The following TOX4 variants were observed in gnomAD, a reference collection of about 807,000 sequenced individuals.
TOX4 encodes the protein TOX high mobility group box family member 4, also known as epidermal Langerhans cell protein LCP1.
In TOX4, 12 loss-of-function variants were observed where a neutral mutation model predicts 61.0. That is an observed-to-expected ratio of 0.20 (90% CI 0.13 to 0.32). The LOEUF (loss-of-function observed/expected upper bound fraction) is 0.32, where lower values mean the gene tolerates loss of function less well. Among genes scored for constraint, TOX4 ranks in the 10% least tolerant of loss-of-function variants. The pLI is 1.00. For synonymous variants in TOX4, 268 were observed against 274.8 expected (o/e 0.98, Z 0.24); for missense variants, 499 against 753.3 (o/e 0.66, Z 3.95).
At position 21,496,535 on chromosome 14, in the gene TOX4, T is replaced by G; in HGVS notation, c.1806-11T>G. The G allele has an allele frequency of 6.2e-7, 1 of 1,610,796 alleles. No homozygotes were observed. Among genetic ancestry groups the G allele is most frequent in the Non-Finnish European group, 8.5e-7 (1 of 1,177,372 alleles). On this transcript the variant is annotated splice_polypyrimidine_tract_variant and intron_variant, in intron 8 of 8. Transcript: ENST00000448790. ...TATAATTCTGTTTGTGTATGTCTTT[T>G]TCTCTCTTAGGGATGTATTCTTGGC...
chr14:21,496,477 T>A, intron 8 of TOX4, 69 bp from the exon 9 acceptor site: 2 of 1,431,772 alleles, frequency 1.4e-6, no homozygotes, highest in South Asian at 1.2e-5. Flanking sequence ...AAAAAAAAAA[T>A]GTATCTAGGC....
chr14:21,493,785 C>T (rs1036534573), intron 7 of TOX4, among the ~76,000 whole-genome samples: 1 of 151,088 alleles, frequency 6.6e-6, no homozygotes, highest in Non-Finnish European at 1.5e-5. Context: ...GAGTCTCGCT[C>T]TGTTGCCTGG....
chr14:21,488,838 G>A lies in TOX4; in HGVS notation c.567G>A (p.Glu189=), dbSNP rs1222169090. The change falls in exon 4 of 9, where the codon GAG becomes GAA. Residue 189 remains glutamate (E), a synonymous_variant. Transcript: ENST00000448790. ...GTTCACTTCACGAGGATGGTGTTGA[G>A]GATTTCCGGAGGGTGAGGCATTCCC... is the stretch of plus-strand genomic sequence containing the variant. ...PTSSLHEDGV[E]DFRRQLPSQK... The A allele has an allele frequency of 6.2e-7, 1 of 1,613,920 alleles. No individual in the cohort carries two copies. The highest frequency in any genetic ancestry group is 1.6e-4 in the Middle Eastern group (1 of 6,062).
chr14:21,489,434 T>C (rs1891246265), intron 5 of TOX4, 31 bp downstream of exon 5: 2 of 1,576,992 alleles, frequency 1.3e-6, no homozygotes, highest in Non-Finnish European at 1.7e-6. Flanking sequence ...TAGTAGTGAA[T>C]GTTCCAGAAG....
chr14:21,493,529 CCTCCTGGGTTCAAGAGATT>C (rs565859436), intron 7 of TOX4, among the ~76,000 whole-genome samples: 126 of 152,248 alleles, frequency 8.3e-4, no homozygotes, highest in African/African-American at 3.0e-3. Context: ...GCAACCTCTA[CCTCCTGGGTTCAAGAGATT>C]CTCCTGCCTC....
At chr14:21,483,917 C>T (rs538371029) in intron 2 of TOX4, among the ~76,000 whole-genome samples, 17 of 152,144 alleles carry the variant, frequency 1.1e-4, no homozygotes, top group Non-Finnish European at 1.3e-4. Context: ...AAGCGATTCT[C>T]GTGCCTCAGC....
chr14:21,492,262 TTTTG>T (rs764058889), intron 5 of TOX4, 30 bp from the exon 6 acceptor site: 18 of 1,471,676 alleles, frequency 1.2e-5, no homozygotes, highest in Middle Eastern at 3.6e-4. Context: ...GTATGGGGAG[TTTTG>T]TTTTTTTTTT....
At position 21,499,020 on chromosome 14, in the gene TOX4, C is replaced by CT; in HGVS notation, c.*2416dup. On this transcript the variant is annotated 3_prime_UTR_variant, in exon 9 of 9. Coordinates refer to ENST00000448790, the MANE Select transcript of TOX4 (RefSeq NM_014828.4). ...GAGGACTAGCCTGTTCTCTGGTCAC[C>CT]TTACCAGTTGGGTTGCACATTGTGT... The CT allele has an allele frequency of 1.2e-6, 2 of 1,606,640 alleles. No individual in the cohort carries two copies. The highest frequency in any genetic ancestry group is 1.7e-6 in the Non-Finnish European group (2 of 1,173,268).
At chr14:21,480,754 T>C (rs1170776499) in intron 2 of TOX4, among the ~76,000 whole-genome samples, 1 of 152,162 alleles carries the variant, frequency 6.6e-6, no homozygotes, top group Non-Finnish European at 1.5e-5. Flanking sequence ...ATATTCAGAA[T>C]ATATCAAGTA....
intron 2 of TOX4, among the ~76,000 whole-genome samples, chr14:21,478,462 G>A (rs1236898993): frequency 1.3e-5 from 2 of 152,150 alleles, no homozygotes; most frequent in Non-Finnish European, 2.9e-5. Flanking sequence ...AGTTTCTTAT[G>A]CTGTTTTAAA....
intron 1 of TOX4, 55 bp downstream of exon 1, chr14:21,477,339 A>G (rs1891010751): frequency 6.2e-6 from 10 of 1,613,894 alleles, no homozygotes; most frequent in Non-Finnish European, 8.5e-6. Context: ...ACCGGGTTGA[A>G]GCAGGGACGG....
intron 8 of TOX4, chr14:21,496,298 C>T (rs934202904): frequency 1.7e-5 from 5 of 301,262 alleles, no homozygotes; most frequent in East Asian, 7.2e-5. Flanking sequence ...GAGGCCAAAG[C>T]GGGCGATTCA....
In TOX4 at chr14:21,492,551, A is replaced by C. The variant is rs1340545985; in HGVS notation, c.935A>C (p.Gln312Pro). 1.2e-6 allele frequency: 2 copies of C among 1,613,838 alleles called. No homozygotes were observed. The highest frequency in any genetic ancestry group is 3.3e-5 in the Admixed American group (2 of 59,994). ...GAATTGGATCCAGCACCACCATCAC[A>C]AACTCCTTCTCCACCTCCTATGGCT... is the stretch of plus-strand genomic sequence containing the variant. ...TVELDPAPPSQTPSPPPMATV... is the reference protein window; with the variant it reads ...TVELDPAPPSPTPSPPPMATV... Residue 312 changes from glutamine to proline, a missense_variant, in exon 7 of 9, where the codon CAA becomes CCA. Transcript: ENST00000448790.
intron 5 of TOX4, among the ~76,000 whole-genome samples, chr14:21,491,309 G>C (rs1336942394): frequency 6.6e-6 from 1 of 152,142 alleles, no homozygotes; most frequent in Non-Finnish European, 1.5e-5. Flanking sequence ...ATACTGGTTA[G>C]ACACAGTCCC....
At chr14:21,483,418 T>C (rs1203464686) in intron 2 of TOX4, among the ~76,000 whole-genome samples, 1 of 148,474 alleles carries the variant, frequency 6.7e-6, no homozygotes, top group East Asian at 2.0e-4. Flanking sequence ...GAGAATTTGG[T>C]AAAAATCTTT....
chr14:21,481,329 C>T (rs1891104695), intron 2 of TOX4, among the ~76,000 whole-genome samples: 1 of 152,106 alleles, frequency 6.6e-6, no homozygotes, highest in African/African-American at 2.4e-5. Flanking sequence ...CAGGCATGTG[C>T]CACCACACCT....
chr14:21,495,319 G>A lies in TOX4; in HGVS notation c.1732G>A (p.Glu578Lys). The change falls in exon 8 of 9, where the codon GAG becomes AAG. Residue 578 changes from glutamate (E) to lysine (K), a missense_variant. By Grantham distance (56) the Glu-to-Lys change is moderately conservative (BLOSUM62 1). This residue lies in a region of TOX4 where 296 missense variants were observed against 404.7 expected (regional missense o/e 0.73). Coordinates refer to ENST00000448790, the MANE Select transcript of TOX4 (RefSeq NM_014828.4). ...PQPRCVRSGC[E>K]NPPIVSKDWD... is the part of the protein sequence containing the mutation. ...GCCTCGATGTGTGAGGTCTGGTTGT[G>A]AGAACCCTCCCATTGTGAGTAAGGA... 1 of 1,614,154 alleles carries A rather than the reference G, an allele frequency of 6.2e-7. No individual in the cohort carries two copies. The highest frequency in any genetic ancestry group is 8.5e-7 in the Non-Finnish European group (1 of 1,180,032).
chr14:21,494,028 C>T (rs115103610), intron 7 of TOX4, among the ~76,000 whole-genome samples: 1,557 of 152,094 alleles, frequency 0.01, 21 homozygotes, highest in African/African-American at 0.035. Flanking sequence ...GGATTACAGG[C>T]GTGAGCCACC....
intron 7 of TOX4, 65 bp from the exon 8 acceptor site, chr14:21,495,164 T>C (rs979157974): frequency 6.4e-7 from 1 of 1,557,070 alleles, no homozygotes; most frequent in South Asian, 1.2e-5. Flanking sequence ...ACAGATAATT[T>C]AGCTAACTAG....
Sources: gnomAD v4.1 joint callset for allele counts (sites outside exome capture counted in the v4.1 genomes callset) on GRCh38, gnomAD v4.1.1 for gene constraint, gnomAD v4.1.1 regional missense constraint, MANE v1.5 for transcripts, NCBI Gene and HGNC (gene_info 2026-07-23, HGNC 2026-07-21) for gene names.